Variants in SORBS2 observed in about 807,000 individuals in gnomAD.
The protein encoded by SORBS2 is sorbin and SH3 domain-containing protein 2.
A neutral mutation model predicts 97.7 loss-of-function variants in SORBS2; 46 were observed. The ratio of observed to expected loss-of-function variants is 0.47; its 90% confidence interval spans 0.37 to 0.60. SORBS2 has a LOEUF of 0.60. Among genes scored for constraint, SORBS2 ranks in the 20% least tolerant of loss-of-function variants. The pLI is 0.00. For missense variants in SORBS2, 1,316 were observed against 1,282.3 expected, an observed-to-expected ratio of 1.03 and a Z score of -0.40; for synonymous variants, 476 against 473.4, an observed-to-expected ratio of 1.01 and a Z score of -0.07.
At chr4:185,800,714 A>T (rs1002290779) in intron 1 of SORBS2, among the ~76,000 whole-genome samples, 1 of 151,402 alleles carries the variant, frequency 6.6e-6, no homozygotes, top group Non-Finnish European at 1.5e-5. Flanking sequence ...CCATCCTTTT[A>T]TTTCCTAATT....
At chr4:185,953,286 CCTGG>C (rs1310076220) in intron 1 of SORBS2, among the ~76,000 whole-genome samples, 1 of 152,246 alleles carries the variant, frequency 6.6e-6, no homozygotes, top group Non-Finnish European at 1.5e-5. Flanking sequence ...CGCACTCCAG[CCTGG>C]GTGACAGAAT....
chr4:185,700,839 G>A (rs1161238485), intron 2 of SORBS2, among the ~76,000 whole-genome samples: 4 of 152,110 alleles, frequency 2.6e-5, no homozygotes, highest in African/African-American at 9.7e-5. Context: ...TATGTTCCCA[G>A]CATTCTTCAT....
intron 1 of SORBS2, among the ~76,000 whole-genome samples, chr4:185,913,796 A>T (rs2099256630): frequency 6.6e-6 from 1 of 152,224 alleles, no homozygotes; most frequent in Non-Finnish European, 1.5e-5. Flanking sequence ...GCAATGGTTT[A>T]GTCTGAATGT....
intron 1 of SORBS2, among the ~76,000 whole-genome samples, chr4:185,891,395 A>G (rs2099242438): frequency 6.6e-6 from 1 of 152,176 alleles, no homozygotes; most frequent in Non-Finnish European, 1.5e-5. Flanking sequence ...CAAAACTAAT[A>G]CAAGAACACA....
exon 15 of SORBS2, chr4:185,586,492 T>C (rs1580314657): frequency 1.3e-5 from 2 of 152,626 alleles, no homozygotes; most frequent in East Asian, 3.8e-4. Flanking sequence ...AAATAATTAT[T>C]ATAGTAAAAA....
intron 1 of SORBS2, among the ~76,000 whole-genome samples, chr4:185,798,367 G>GT (rs2099115496): frequency 6.6e-6 from 1 of 152,058 alleles, no homozygotes; most frequent in Non-Finnish European, 1.5e-5. Flanking sequence ...AATATCCTGG[G>GT]TTTTTTAACT....
At chr4:185,592,258 A>G (rs2095963437) in intron 13 of SORBS2, among the ~76,000 whole-genome samples, 1 of 152,244 alleles carries the variant, frequency 6.6e-6, no homozygotes, top group African/African-American at 2.4e-5. Context: ...ACTTATTTTT[A>G]AATGAAAGCA....
chr4:185,939,503 C>G (rs1440842761), intron 1 of SORBS2, among the ~76,000 whole-genome samples: 1 of 152,150 alleles, frequency 6.6e-6, no homozygotes, highest in Non-Finnish European at 1.5e-5. Flanking sequence ...ATCTGCACTT[C>G]CTGTCTCAAC....
intron 1 of SORBS2, among the ~76,000 whole-genome samples, chr4:185,907,910 C>T (rs1411741588): frequency 1.3e-5 from 2 of 152,112 alleles, no homozygotes; most frequent in Non-Finnish European, 2.9e-5. Flanking sequence ...ACACAATTGT[C>T]TGCCTTTAAG....
At chr4:185,656,826 A>G (rs2097414249) in exon 1 of SORBS2, 1 of 1,381,904 alleles carries the variant, frequency 7.2e-7, no homozygotes, top group South Asian at 1.7e-5. Flanking sequence ...AAATCCAAAC[A>G]CTTTCACTTA....
At chr4:185,898,889 T>C (rs1229234332) in intron 1 of SORBS2, among the ~76,000 whole-genome samples, 1 of 152,178 alleles carries the variant, frequency 6.6e-6, no homozygotes, top group African/African-American at 2.4e-5. Context: ...CACGATATTG[T>C]GGATGACGTG....
intron 12 of SORBS2, among the ~76,000 whole-genome samples, chr4:185,598,535 C>T (rs1036678827): frequency 6.6e-6 from 1 of 152,174 alleles, no homozygotes. Flanking sequence ...AAAGCTTCTG[C>T]AGTTATCTCT....
rs537699844 is a variant in SORBS2 at position 185,639,274 on chromosome 4, G to A, written c.396+7394C>T. On this transcript the variant is annotated intron_variant, in intron 4 of 14. Coordinates refer to ENST00000418609, the Ensembl canonical transcript of SORBS2. ...CGGCTGCCTGCTCTGAGCTGAGAAG[G>A]GGATCTGGTTCTTCACAATACCGTG... Among the ~76,000 whole-genome samples, 159 of 152,298 alleles carry A rather than the reference G, an allele frequency of 1.0e-3. 3 individuals carry two copies. The South Asian group carries it at 0.016, about 15-fold the overall frequency.
chr4:185,759,375 T>C (rs1560834404), intron 2 of SORBS2, among the ~76,000 whole-genome samples: 2 of 152,194 alleles, frequency 1.3e-5, no homozygotes, highest in South Asian at 2.1e-4. Context: ...TCTTTGTACA[T>C]GTGAGGGTAA....
chr4:185,643,886 C>G (rs1488417428), intron 4 of SORBS2, among the ~76,000 whole-genome samples: 1 of 152,178 alleles, frequency 6.6e-6, no homozygotes, highest in Non-Finnish European at 1.5e-5. Context: ...GCTGCGACGC[C>G]ACTCTCATTC....
intron 1 of SORBS2, among the ~76,000 whole-genome samples, chr4:185,890,719 G>T (rs1053515169): frequency 6.6e-6 from 1 of 152,164 alleles, no homozygotes; most frequent in African/African-American, 2.4e-5. Context: ...CTTCACAGCT[G>T]TATGCACTCA....
At chr4:185,934,706 C>T (rs769268571) in intron 1 of SORBS2, among the ~76,000 whole-genome samples, 2 of 151,686 alleles carry the variant, frequency 1.3e-5, no homozygotes, top group Non-Finnish European at 2.9e-5. Flanking sequence ...ATCGCTTGAA[C>T]CCGGGAGGCG....
At chr4:185,893,115 G>A (rs2099243283) in intron 1 of SORBS2, among the ~76,000 whole-genome samples, 1 of 152,224 alleles carries the variant, frequency 6.6e-6, no homozygotes, top group Non-Finnish European at 1.5e-5. Context: ...GGAGAAGGAA[G>A]AAAGAGATAA....
At chr4:185,833,779 T>G (rs1028842557) in intron 1 of SORBS2, among the ~76,000 whole-genome samples, 7 of 152,216 alleles carry the variant, frequency 4.6e-5, no homozygotes, top group Non-Finnish European at 1.0e-4. Flanking sequence ...AATCTTTATT[T>G]CAGTTAATAC....
Sources: gnomAD v4.1 joint callset for allele counts (sites outside exome capture counted in the v4.1 genomes callset) on GRCh38, gnomAD v4.1.1 for gene constraint, MANE v1.5 for transcripts, NCBI Gene and HGNC (gene_info 2026-07-23, HGNC 2026-07-21) for gene names.